The following KDM5A variants were observed in gnomAD, a reference collection of about 807,000 sequenced individuals.
KDM5A encodes the protein lysine demethylase 5A, also known as lysine-specific demethylase 5A.
A neutral mutation model predicts 193.5 loss-of-function variants in KDM5A; 42 were observed. That is an observed-to-expected ratio of 0.22 (90% CI 0.17 to 0.28). The LOEUF (loss-of-function observed/expected upper bound fraction) is 0.28. KDM5A is among the 10% of genes least tolerant of loss of function. The probability of loss-of-function intolerance (pLI) is 1.00; values close to 1 mark genes in which losing one functional copy is unlikely to be tolerated. For synonymous variants in KDM5A, 796 were observed against 718.1 expected (o/e 1.11, Z -1.73); for missense variants, 1,692 against 2,055.1 (o/e 0.82, Z 3.42).
At chr12:358,319 T>G (rs1591930348) in intron 5 of KDM5A, among the ~76,000 whole-genome samples, 2 of 152,210 alleles carry the variant, frequency 1.3e-5, no homozygotes. Context: ...ATGTATGCAA[T>G]CTAGACTAAT....
chr12:361,777 G>A (rs1164445980), intron 5 of KDM5A, among the ~76,000 whole-genome samples: 1 of 152,090 alleles, frequency 6.6e-6, no homozygotes, highest in African/African-American at 2.4e-5. Context: ...TTCATAATGA[G>A]GTTATCACTT....
intron 3 of KDM5A, among the ~76,000 whole-genome samples, chr12:382,387 C>T (rs1447068996): frequency 3.3e-5 from 5 of 151,272 alleles, no homozygotes; most frequent in East Asian, 3.9e-4. Flanking sequence ...CACTTGAACC[C>T]GGGAGGTGGA....
chr12:307,164 C>G lies in KDM5A; in HGVS notation c.3931-75G>C. 1.9e-6 allele frequency: 3 copies of G among 1,554,224 alleles called. No homozygotes were observed. The highest frequency in any genetic ancestry group is 2.7e-6 in the Non-Finnish European group (3 of 1,128,632). ...AGGGTAATTAATGTGTGCTTAAGATCACCAAAATGTAATGAATAAGCAAAG... is the reference window on the plus strand; with the variant it reads ...AGGGTAATTAATGTGTGCTTAAGATGACCAAAATGTAATGAATAAGCAAAG... On this transcript the variant is annotated intron_variant, in intron 23 of 27. Transcript: ENST00000399788. The surrounding 1 kb of genome is among the most constrained non-coding windows in gnomAD (Gnocchi z 4.3).
intron 19 of KDM5A, 105 bp downstream of exon 19, chr12:317,999 CAA>C (rs398055245): frequency 6.9e-3 from 4,956 of 721,776 alleles, no homozygotes; most frequent in South Asian, 9.7e-3. Flanking sequence ...ATCCTAAACG[CAA>C]AAAAAAAAAA....
chr12:359,814 A>G, intron 5 of KDM5A, among the ~76,000 whole-genome samples: 1 of 133,930 alleles, frequency 7.5e-6, no homozygotes, highest in Admixed American at 7.5e-5. Context: ...AGGGAGGGAG[A>G]AGGGAGGCAA....
At chr12:305,550 G>C (rs1223211954) in intron 24 of KDM5A, among the ~76,000 whole-genome samples, 1 of 152,198 alleles carries the variant, frequency 6.6e-6, no homozygotes, top group African/African-American at 2.4e-5. Flanking sequence ...CTTGTTCTCT[G>C]GAAGCAGCCT....
At position 281,140 on chromosome 12, in the gene KDM5A, A is replaced by G. The variant is rs1591890539; in HGVS notation, c.*4316T>C. ...AAATCTTTTAGATGTAATGCAATTA[A>G]CCATATCTAATATTCTTTTAGAAAA... On this transcript the variant is annotated 3_prime_UTR_variant, in exon 28 of 28. Transcript: ENST00000399788. 4.3e-6 allele frequency: 1 copy of G among 233,156 alleles called. No individual in the cohort carries two copies. 14.4% of individuals were successfully genotyped at this position (233,156 alleles called of 1,614,324 possible). A position where few individuals can be genotyped will look rare whatever the true frequency, so the allele number is the denominator to read the frequency against.
chr12:354,237 G>A lies in KDM5A; in HGVS notation c.871-3C>T. 1 of 1,582,026 alleles carries A rather than the reference G, an allele frequency of 6.3e-7. No individual in the cohort carries two copies. Among genetic ancestry groups the A allele is most frequent in the Non-Finnish European group, 8.6e-7 (1 of 1,156,518 alleles). ...AACATACAAACATAGAGATCAACCT[G>A]TTAAAAAAAAAATAAATGAAAGTCT... On this transcript the variant is annotated splice_region_variant and splice_polypyrimidine_tract_variant and intron_variant, in intron 7 of 27. Coordinates refer to ENST00000399788, the MANE Select transcript of KDM5A (RefSeq NM_001042603.3).
rs1943207820 is a variant in KDM5A at position 285,405 on chromosome 12, G to A, written c.*51C>T. On this transcript the variant is annotated 3_prime_UTR_variant, in exon 28 of 28. Coordinates refer to ENST00000399788, the MANE Select transcript of KDM5A (RefSeq NM_001042603.3). Reference sequence around the variant, plus strand: ...ATAAACCACTCTACTTGATGACTAAGGTCTCAATGTGGTCCATGTCCCCCC... The same window carrying A: ...ATAAACCACTCTACTTGATGACTAAAGTCTCAATGTGGTCCATGTCCCCCC... 6.8e-7 allele frequency: 1 copy of A among 1,471,682 alleles called. No homozygotes were observed. Among genetic ancestry groups the A allele is most frequent in the African/African-American group, 1.4e-5 (1 of 72,034 alleles). 91.2% of individuals were successfully genotyped at this position (1,471,682 alleles called of 1,614,324 possible). A position where few individuals can be genotyped will look rare whatever the true frequency, so the allele number is the denominator to read the frequency against.
At chr12:370,950 CT>C (rs1464074160) in intron 3 of KDM5A, among the ~76,000 whole-genome samples, 3 of 152,132 alleles carry the variant, frequency 2.0e-5, no homozygotes, top group Admixed American at 6.6e-5. Context: ...TGATCTCATC[CT>C]TTTTTATGGC....
intron 26 of KDM5A, among the ~76,000 whole-genome samples, chr12:294,660 G>A (rs1384891736): frequency 6.6e-6 from 1 of 152,158 alleles, no homozygotes; most frequent in Non-Finnish European, 1.5e-5. Flanking sequence ...TCAACTGTTG[G>A]TGACATGGCA....
In KDM5A at chr12:280,633, C is replaced by G. The variant is rs773827846; in HGVS notation, c.*4823G>C. ...TGGGGAAAAGGTGCCATTTGCTTCT[C>G]TGAAGTAACTTGGGGTCTGAATTGG... is the stretch of plus-strand genomic sequence containing the variant. On this transcript the variant is annotated 3_prime_UTR_variant, in exon 28 of 28. Transcript: ENST00000399788. The G allele has an allele frequency of 4.3e-6, 1 of 233,036 alleles. No homozygotes were observed. The highest frequency in any genetic ancestry group is 8.5e-6 in the Non-Finnish European group (1 of 117,982). 14.4% of individuals were successfully genotyped at this position (233,036 alleles called of 1,614,324 possible). A position where few individuals can be genotyped will look rare whatever the true frequency, so the allele number is the denominator to read the frequency against.
intron 1 of KDM5A, chr12:388,637 T>G (rs2137506766): frequency 4.0e-6 from 2 of 504,078 alleles, no homozygotes; most frequent in Middle Eastern, 5.5e-4. Flanking sequence ...AATACTGTAC[T>G]TTAAACACCA....
rs190575241 is a variant in KDM5A, at chr12:281,730, T to G, written c.*3726A>C. The stretch of plus-strand genomic sequence containing the variant: ...AACTGTCACTTTTTCCCTTAAAAAG[T>G]GGATAAACCCATCTTTTGAAAGACA... On this transcript the variant is annotated 3_prime_UTR_variant, in exon 28 of 28. Transcript: ENST00000399788. 1 of 235,170 alleles carries G rather than the reference T, an allele frequency of 4.3e-6. No individual in the cohort carries two copies. The highest frequency in any genetic ancestry group is 8.4e-6 in the Non-Finnish European group (1 of 119,184). 14.6% of individuals were successfully genotyped at this position (235,170 alleles called of 1,614,324 possible).
chr12:372,316 T>A lies in KDM5A; in HGVS notation c.367-6212A>T, dbSNP rs532269775. Among the ~76,000 whole-genome samples, 17 of 152,332 alleles carry A rather than the reference T, an allele frequency of 1.1e-4. No homozygotes were observed. In the South Asian group the frequency reaches 2.3e-3, roughly 20 times the overall value. On this transcript the variant is annotated intron_variant, in intron 3 of 27. Transcript: ENST00000399788. ...GTTCTCCTTGAAGAGGTCCTTCACA[T>A]CCCTTGTAAGTTGGATTCCTAGGTA...
intron 4 of KDM5A, 112 bp from the exon 5 acceptor site, chr12:363,209 A>G: frequency 2.4e-6 from 3 of 1,254,778 alleles, no homozygotes; most frequent in Non-Finnish European, 3.5e-6. Context: ...GACCGCAATT[A>G]TTTCTCAAAC....
intron 10 of KDM5A, among the ~76,000 whole-genome samples, chr12:349,705 T>TG (rs975709170): frequency 9.9e-5 from 15 of 151,358 alleles, no homozygotes; most frequent in Non-Finnish European, 2.1e-4. Context: ...TTAGCTTTTT[T>TG]TTTTTTCCTT....
rs199840309 is a variant in KDM5A at position 303,099 on chromosome 12, ACT to A, written c.4074+3845_4074+3846del. Among the ~76,000 whole-genome samples, 1,035 of 152,260 alleles carry A rather than the reference ACT, an allele frequency of 6.8e-3. 17 individuals carry two copies. The highest frequency in any genetic ancestry group is 0.024 in the African/African-American group (992 of 41,546). On this transcript the variant is annotated intron_variant, in intron 24 of 27. Coordinates refer to ENST00000399788, the MANE Select transcript of KDM5A (RefSeq NM_001042603.3). ...TCAATTAGTTCAACCATTGTGGAAGACTCTGGCAATTCCTCAAGAATCTAGAA... is the reference window on the plus strand; with the variant it reads ...TCAATTAGTTCAACCATTGTGGAAGACTGGCAATTCCTCAAGAATCTAGAA...
At chr12:322,326 A>G (rs1943727568) in intron 17 of KDM5A, 91 bp downstream of exon 17, 4 of 1,164,334 alleles carry the variant, frequency 3.4e-6, no homozygotes, top group Non-Finnish European at 5.0e-6. Flanking sequence ...GGTCAAAGAT[A>G]ATGTACGGCT....
Sources: gnomAD v4.1 joint callset for allele counts (sites outside exome capture counted in the v4.1 genomes callset) on GRCh38, gnomAD v4.1.1 for gene constraint, Gnocchi (gnomAD v3.1) non-coding constraint, MANE v1.5 for transcripts, NCBI Gene and HGNC (gene_info 2026-07-23, HGNC 2026-07-21) for gene names.